UNC5D: variants seen among roughly 807,000 people sequenced by gnomAD.
The protein encoded by UNC5D is netrin receptor UNC5D.
Under a neutral mutation model 105.4 loss-of-function variants are expected in UNC5D, and 39 were observed. The observed-to-expected ratio is 0.37, with a 90% CI of 0.29 to 0.48. The LOEUF (loss-of-function observed/expected upper bound fraction) is 0.48. Ranked by LOEUF, UNC5D falls within the 20% of genes least tolerant of loss-of-function variation. The pLI is 0.98. For synonymous variants in UNC5D, 452 were observed against 450.4 expected (o/e 1.00, Z -0.04); for missense variants, 991 against 1,202.4 (o/e 0.82, Z 2.60).
intron 1 of UNC5D, among the ~76,000 whole-genome samples, chr8:35,400,511 C>T (rs995592225): frequency 2.6e-5 from 4 of 152,094 alleles, no homozygotes; most frequent in African/African-American, 7.2e-5. Context: ...TCTGTTCCTT[C>T]CTTATAGGTC....
intron 1 of UNC5D, among the ~76,000 whole-genome samples, chr8:35,323,416 G>A (rs933872735): frequency 2.0e-5 from 3 of 151,854 alleles, no homozygotes; most frequent in Non-Finnish European, 2.9e-5. Flanking sequence ...GAAATGCAAC[G>A]TACCATTTTT....
chr8:35,719,218 T>TA (rs10525933), intron 8 of UNC5D, among the ~76,000 whole-genome samples: 1 of 143,820 alleles, frequency 7.0e-6, no homozygotes, highest in East Asian at 2.1e-4. Context: ...GAAGTCAGGG[T>TA]AAAAAAATCT....
chr8:35,739,637 A>G (rs1436613), intron 11 of UNC5D, among the ~76,000 whole-genome samples: 8,837 of 152,294 alleles, frequency 0.058, 335 homozygotes, highest in Middle Eastern at 0.099. Context: ...CCTTAATTCA[A>G]TAAGGGGAAA....
intron 1 of UNC5D, among the ~76,000 whole-genome samples, chr8:35,496,564 G>C (rs1445172889): frequency 6.6e-6 from 1 of 152,100 alleles, no homozygotes; most frequent in Non-Finnish European, 1.5e-5. Context: ...CAGTAATGGA[G>C]GGTTAGGAGA....
intron 9 of UNC5D, among the ~76,000 whole-genome samples, chr8:35,724,510 G>T (rs1828755201): frequency 6.6e-6 from 1 of 152,126 alleles, no homozygotes; most frequent in South Asian, 2.1e-4. Context: ...ACCAGCGGTG[G>T]GTGACTGTCG....
chr8:35,564,192 C>T lies in UNC5D; in HGVS notation c.323-3906C>T, dbSNP rs148044254. On this transcript the variant is annotated intron_variant, in intron 2 of 16. Transcript: ENST00000404895. Reference sequence around the variant, plus strand: ...TTTGAGACTTGTTTTGTGGCCTACCCTATGGTCCATTCTGGAGAATATGTT... The same window carrying T: ...TTTGAGACTTGTTTTGTGGCCTACCTTATGGTCCATTCTGGAGAATATGTT... Among the ~76,000 whole-genome samples, 176 of 151,986 alleles carry T rather than the reference C, an allele frequency of 1.2e-3. 2 individuals carry two copies. The highest frequency in any genetic ancestry group is 7.9e-4 in the Non-Finnish European group (54 of 67,974).
chr8:35,476,680 G>A (rs1320565088), intron 1 of UNC5D, among the ~76,000 whole-genome samples: 1 of 152,090 alleles, frequency 6.6e-6, no homozygotes, highest in Non-Finnish European at 1.5e-5. Context: ...CCTTCTGAAA[G>A]GCTACTGTCC....
At chr8:35,568,439 A>T (rs1273822476) in intron 3 of UNC5D, among the ~76,000 whole-genome samples, 198 bp downstream of exon 3, 2 of 152,368 alleles carry the variant, frequency 1.3e-5, no homozygotes, top group East Asian at 3.9e-4. Flanking sequence ...CTGTGATCCC[A>T]GCACTTTGGG....
intron 7 of UNC5D, among the ~76,000 whole-genome samples, chr8:35,701,908 T>C (rs974207924): frequency 1.3e-5 from 2 of 148,468 alleles, no homozygotes; most frequent in Non-Finnish European, 3.0e-5. Flanking sequence ...ATATATTATA[T>C]ACAATATATA....
intron 1 of UNC5D, among the ~76,000 whole-genome samples, chr8:35,323,755 A>C (rs1161768704): frequency 6.6e-6 from 1 of 152,150 alleles, no homozygotes; most frequent in East Asian, 1.9e-4. Context: ...TAAGTGGTGG[A>C]GCTGAATCTG....
intron 1 of UNC5D, among the ~76,000 whole-genome samples, chr8:35,386,519 TGAG>T (rs999582440): frequency 2.0e-5 from 3 of 152,176 alleles, no homozygotes; most frequent in Non-Finnish European, 2.9e-5. Flanking sequence ...ACTAAAAGCC[TGAG>T]GAGGGAAAAA....
chr8:35,563,356 TGGGGGGTGG>T (rs1817098874), intron 2 of UNC5D, among the ~76,000 whole-genome samples: 1 of 18,180 alleles, frequency 5.5e-5, no homozygotes. Flanking sequence ...GTATTTTTTG[TGGGGGGTGG>T]GGGGGTGGGG....
chr8:35,486,351 G>A (rs576097901), intron 1 of UNC5D, among the ~76,000 whole-genome samples: 3 of 152,274 alleles, frequency 2.0e-5, no homozygotes, highest in Admixed American at 2.0e-4. Context: ...TGCCCAGAGT[G>A]ATGGCATTAA....
At chr8:35,573,025 G>A (rs913733620) in intron 3 of UNC5D, among the ~76,000 whole-genome samples, 9 of 151,970 alleles carry the variant, frequency 5.9e-5, no homozygotes, top group African/African-American at 1.9e-4. Context: ...GGATGGTCTC[G>A]ATCTCCTGAC....
At chr8:35,582,185 C>T (rs1315164285) in intron 3 of UNC5D, among the ~76,000 whole-genome samples, 1 of 152,174 alleles carries the variant, frequency 6.6e-6, no homozygotes, top group African/African-American at 2.4e-5. Flanking sequence ...CCTTCCCTGA[C>T]TATACAGTGC....
chr8:35,248,558 A>G (rs1440272360), intron 1 of UNC5D, among the ~76,000 whole-genome samples: 5 of 60,992 alleles, frequency 8.2e-5, no homozygotes, highest in Non-Finnish European at 1.1e-4. Context: ...ATATATAAAT[A>G]TATGTTATAT....
chr8:35,533,385 G>A (rs1401469126), intron 1 of UNC5D, among the ~76,000 whole-genome samples: 1 of 152,030 alleles, frequency 6.6e-6, no homozygotes, highest in African/African-American at 2.4e-5. Flanking sequence ...GGACCCACTT[G>A]AGGAGGCAGT....
At chr8:35,358,500 G>C (rs1362239784) in intron 1 of UNC5D, among the ~76,000 whole-genome samples, 5 of 152,144 alleles carry the variant, frequency 3.3e-5, no homozygotes, top group Non-Finnish European at 4.4e-5. Flanking sequence ...GTGAGGGTCA[G>C]GGGAAGCAGA....
chr8:35,352,860 G>T (rs559479700), intron 1 of UNC5D, among the ~76,000 whole-genome samples: 2 of 152,152 alleles, frequency 1.3e-5, no homozygotes, highest in African/African-American at 2.4e-5. Context: ...TGATCCACCC[G>T]CCTCGTCCTC....
Sources: gnomAD v4.1 joint callset for allele counts (sites outside exome capture counted in the v4.1 genomes callset) on GRCh38, gnomAD v4.1.1 for gene constraint, MANE v1.5 for transcripts, NCBI Gene and HGNC (gene_info 2026-07-23, HGNC 2026-07-21) for gene names.